Variants in RTN1 observed in about 807,000 individuals in gnomAD.
RTN1 encodes reticulon 1, also known as reticulon-1.
RTN1 carries 25 observed loss-of-function variants against 65.5 expected under a neutral mutation model. That is an observed-to-expected ratio of 0.38 (90% confidence interval 0.28 to 0.53). The LOEUF (loss-of-function observed/expected upper bound fraction) is 0.53, where lower values mean the gene tolerates loss of function less well. Ranked by LOEUF, RTN1 falls within the 20% of genes least tolerant of loss-of-function variation. The probability of loss-of-function intolerance (pLI) is 0.79; values close to 1 mark genes in which losing one functional copy is unlikely to be tolerated. For synonymous variants in RTN1, 471 were observed against 447.6 expected, an observed-to-expected ratio of 1.05 and a Z score of -0.66; for missense variants, 983 against 1,025.4, an observed-to-expected ratio of 0.96 and a Z score of 0.57.
chr14:59,596,819 A>T, intron 8 of RTN1, 32 bp from the exon 9 acceptor site: 1 of 1,570,174 alleles, frequency 6.4e-7, no homozygotes, highest in Non-Finnish European at 8.8e-7. Flanking sequence ...GTAGTAAATC[A>T]CAAGTGTTAT....
intron 1 of RTN1, among the ~76,000 whole-genome samples, chr14:59,814,814 A>G (rs548653013): frequency 8.6e-4 from 131 of 152,372 alleles, no homozygotes; most frequent in African/African-American, 3.1e-3. Flanking sequence ...TGAGGAGGAC[A>G]GCCAAATTCT....
chr14:59,657,616 T>C (rs1225269829), intron 3 of RTN1, among the ~76,000 whole-genome samples: 1 of 152,046 alleles, frequency 6.6e-6, no homozygotes, highest in African/African-American at 2.4e-5. Flanking sequence ...GGGTGGGGCC[T>C]TGCCTCACCC....
intron 3 of RTN1, among the ~76,000 whole-genome samples, chr14:59,717,855 A>G (rs1293767337): frequency 2.0e-5 from 3 of 152,212 alleles, no homozygotes; most frequent in Non-Finnish European, 4.4e-5. Flanking sequence ...GATTACTCTG[A>G]GGACGTTGAG....
At chr14:59,630,712 C>T (rs997486565) in intron 3 of RTN1, 3 of 1,131,888 alleles carry the variant, frequency 2.7e-6, no homozygotes, top group Non-Finnish European at 3.2e-6. Flanking sequence ...CGCGGCGCGG[C>T]CCCGGAGCCG....
intron 1 of RTN1, among the ~76,000 whole-genome samples, chr14:59,802,753 C>CT (rs1236367212): frequency 6.6e-6 from 1 of 152,192 alleles, no homozygotes; most frequent in African/African-American, 2.4e-5. Flanking sequence ...TTCCCGATCT[C>CT]TGACTATAAC....
At chr14:59,827,676 C>T (rs557504242) in intron 1 of RTN1, among the ~76,000 whole-genome samples, 1 of 152,296 alleles carries the variant, frequency 6.6e-6, no homozygotes, top group South Asian at 2.1e-4. Context: ...CTATCCCTCA[C>T]AAATAATTAG....
chr14:59,807,579 C>G (rs1886660186), intron 1 of RTN1, among the ~76,000 whole-genome samples: 1 of 152,184 alleles, frequency 6.6e-6, no homozygotes, highest in African/African-American at 2.4e-5. Flanking sequence ...TAGGACATGG[C>G]AGAGTTAACA....
At chr14:59,822,661 T>C (rs1886963201) in intron 1 of RTN1, among the ~76,000 whole-genome samples, 1 of 152,238 alleles carries the variant, frequency 6.6e-6, no homozygotes, top group Non-Finnish European at 1.5e-5. Flanking sequence ...GCTATAAACT[T>C]TCCTCTTAAC....
chr14:59,829,106 T>A lies in RTN1; in HGVS notation c.241+41284A>T, dbSNP rs1887082716. ...TAAGTCTCCAGATGAGCTGCTTACT[T>A]CCCATCATTTATACTTAAAAGGCAA... On this transcript the variant is annotated intron_variant, in intron 1 of 8. Transcript: ENST00000267484. This position sits in a 1 kb window ranked among gnomAD's most constrained non-coding sequence, Gnocchi z 4.3. Among the ~76,000 whole-genome samples, 1 of 152,170 alleles carries A rather than the reference T, an allele frequency of 6.6e-6. No individual in the cohort carries two copies. Among genetic ancestry groups the A allele is most frequent in the African/African-American group, 2.4e-5 (1 of 41,432 alleles).
At position 59,749,352 on chromosome 14, in the gene RTN1, A is replaced by C. The variant is rs1566711607; in HGVS notation, c.242-2871T>G. ...TCTATATATATCTATATATATCTAT[A>C]TATATCTATATATATATCTATATAT... On this transcript the variant is annotated intron_variant, in intron 1 of 8. Transcript: ENST00000267484. 5.5e-5 allele frequency among the ~76,000 whole-genome samples: 4 copies of C among 72,614 alleles called. 1 individual carries two copies. The highest frequency in any genetic ancestry group is 3.7e-4 in the South Asian group (1 of 2,686). The allele number at this position is 72,614 out of a possible 152,430, so 47.6% of individuals were successfully genotyped here. A position where few individuals can be genotyped will look rare whatever the true frequency, so the allele number is the denominator to read the frequency against.
intron 3 of RTN1, among the ~76,000 whole-genome samples, chr14:59,623,916 T>C (rs1011587234): frequency 6.6e-6 from 1 of 152,246 alleles, no homozygotes; most frequent in Non-Finnish European, 1.5e-5. Context: ...TCACCAAATT[T>C]GAAATTTGCC....
At chr14:59,707,734 CACACACACAAATACATACACACAA>C (rs1286010449) in intron 3 of RTN1, among the ~76,000 whole-genome samples, 1 of 151,792 alleles carries the variant, frequency 6.6e-6, no homozygotes, top group Non-Finnish European at 1.5e-5. Context: ...CACACACACA[CACACACACAAATACATACACACAA>C]ACACACACAT....
chr14:59,687,078 G>A lies in RTN1; in HGVS notation c.1765+39841C>T, dbSNP rs139891269. Among the ~76,000 whole-genome samples the A allele has an allele frequency of 1.1e-4, 16 of 152,296 alleles. 1 individual carries two copies. The East Asian group carries it at 2.1e-3, about 20-fold the overall frequency. On this transcript the variant is annotated intron_variant, in intron 3 of 8. Transcript: ENST00000267484. ...GCAGGCCCGGGGTGGGAGGAGAGCCGCTACAGCTGCATCTCATCTGGGTGA... is the reference window on the plus strand; with the variant it reads ...GCAGGCCCGGGGTGGGAGGAGAGCCACTACAGCTGCATCTCATCTGGGTGA...
chr14:59,688,516 A>C (rs1244261993), intron 3 of RTN1, among the ~76,000 whole-genome samples: 2 of 152,164 alleles, frequency 1.3e-5, no homozygotes, highest in Non-Finnish European at 2.9e-5. Context: ...GCTCAGACCA[A>C]TGTGCACACC....
At chr14:59,731,329 T>C (rs8007780) in intron 2 of RTN1, among the ~76,000 whole-genome samples, 59,909 of 151,850 alleles carry the variant, frequency 0.39, 12,144 homozygotes, top group African/African-American at 0.47. Flanking sequence ...AGAGTAGTAG[T>C]TATGGGGAGT....
intron 3 of RTN1, among the ~76,000 whole-genome samples, chr14:59,703,888 C>T (rs1884233819): frequency 6.6e-6 from 1 of 152,180 alleles, no homozygotes; most frequent in Non-Finnish European, 1.5e-5. Context: ...AGATATTATA[C>T]AGTGAACAGG....
intron 3 of RTN1, among the ~76,000 whole-genome samples, chr14:59,715,046 TC>T (rs1395166053): frequency 2.6e-5 from 4 of 152,142 alleles, no homozygotes; most frequent in Admixed American, 2.0e-4. Context: ...CCTGAAACCA[TC>T]CCACCCTCCC....
intron 3 of RTN1, among the ~76,000 whole-genome samples, chr14:59,662,408 GTGTT>G (rs1409694615): frequency 6.7e-6 from 1 of 150,320 alleles, no homozygotes; most frequent in Admixed American, 6.7e-5. Context: ...AGAACATGCG[GTGTT>G]TGTTTTTTTG....
At position 59,846,650 on chromosome 14, in the gene RTN1, C is replaced by T. The variant is rs1450823812; in HGVS notation, c.241+23740G>A. 6.6e-6 allele frequency among the ~76,000 whole-genome samples: 1 copy of T among 152,166 alleles called. No homozygotes were observed. Among genetic ancestry groups the T allele is most frequent in the Admixed American group, 6.5e-5 (1 of 15,276 alleles). ...TTATTTAAAGTTTCACATTTTAAAA[C>T]TATGTGTGCTTTTACTCCTTGATGC... On this transcript the variant is annotated intron_variant, in intron 1 of 8. Coordinates refer to ENST00000267484, the MANE Select transcript of RTN1 (RefSeq NM_021136.3). The surrounding 1 kb of genome is among the most constrained non-coding windows in gnomAD (Gnocchi z 4.8).
Sources: gnomAD v4.1 joint callset for allele counts (sites outside exome capture counted in the v4.1 genomes callset) on GRCh38, gnomAD v4.1.1 for gene constraint, Gnocchi (gnomAD v3.1) non-coding constraint, MANE v1.5 for transcripts, NCBI Gene and HGNC (gene_info 2026-07-23, HGNC 2026-07-21) for gene names.